MCUR1: variants seen among roughly 807,000 people sequenced by gnomAD.
MCUR1 encodes the protein MCU regulator 1.
A neutral mutation model predicts 42.0 loss-of-function variants in MCUR1; 37 were observed. The ratio of observed to expected loss-of-function variants is 0.88; its 90% CI spans 0.68 to 1.16. The LOEUF (loss-of-function observed/expected upper bound fraction) is 1.16. Among genes scored for constraint, MCUR1 ranks in the 50% most tolerant of loss-of-function variants. MCUR1 has a pLI of 0.00. For missense variants in MCUR1, 469 were observed against 468.4 expected (o/e 1.00, Z -0.01); for synonymous variants, 229 against 196.2 (o/e 1.17, Z -1.40).
rs1346753129 is a variant in MCUR1 at position 13,814,177 on chromosome 6, G to A, written c.253C>T (p.Pro85Ser). The A allele has an allele frequency of 2.2e-6, 3 of 1,367,768 alleles. No homozygotes were observed. The highest frequency in any genetic ancestry group is 3.9e-5 in the Admixed American group (1 of 25,702). 84.7% of individuals were successfully genotyped at this position (1,367,768 alleles called of 1,614,324 possible). ...TCCCAGTCCCCGAGCTGCCGGCGCG[G>A]GGCTGCGGCGGCCAAGCGCGGGGAG... ...VPSPRLAAAA[P>S]RRQLGDWERS... The change falls in exon 1 of 9, where the codon CCG becomes TCG. Residue 85 changes from proline to serine, a missense_variant. Transcript: ENST00000379170.
Position 13,814,218 on chromosome 6 carries a change from A to C in MCUR1, c.212T>G (p.Leu71Arg), listed in dbSNP as rs970993547. 1 of 1,457,108 alleles carries C rather than the reference A, an allele frequency of 6.9e-7. No homozygotes were observed. 90.3% of individuals were successfully genotyped at this position (1,457,108 alleles called of 1,614,324 possible). Residue 71 changes from leucine to arginine, a missense_variant, in exon 1 of 9, where the codon CTC becomes CGC. By Grantham distance (102) the Leu-to-Arg change is moderately radical. Transcript: ENST00000379170. ...GCGCGGGGAGGGCACTAGCAGGAGG[A>C]GGAGCAGCGGTGAGGCACGTGACAC... is the stretch of plus-strand genomic sequence containing the variant. ...GGVSRASPLL[L>R]LLLVPSPRLA...
chr6:13,803,671 CTTTAA>C (rs1760042336), intron 2 of MCUR1: 1 of 828,968 alleles, frequency 1.2e-6, no homozygotes, highest in Non-Finnish European at 1.4e-6. Context: ...CGTCAAAATT[CTTTAA>C]TTTTTCAACA....
Position 13,790,634 on chromosome 6 carries a change from G to T in MCUR1, c.*175C>A. On this transcript the variant is annotated 3_prime_UTR_variant, in exon 9 of 9. Coordinates refer to ENST00000379170, the MANE Select transcript of MCUR1 (RefSeq NM_001031713.4). ...GCCCGCCTAATGTTTTAATTTTTTA[G>T]TAGAGACGGGGTTTCACCGTGTTGG... The T allele has an allele frequency of 2.4e-6, 1 of 417,528 alleles. No individual in the cohort carries two copies. The highest frequency in any genetic ancestry group is 2.1e-5 in the African/African-American group (1 of 47,058). The allele number at this position is 417,528 out of a possible 1,614,324, so 25.9% of individuals were successfully genotyped here.
intron 6 of MCUR1, among the ~76,000 whole-genome samples, chr6:13,796,921 A>C (rs1184367860): frequency 6.6e-6 from 1 of 152,232 alleles, no homozygotes; most frequent in Non-Finnish European, 1.5e-5. Context: ...AGATAAAGGT[A>C]ACCAAAAGAG....
chr6:13,793,792 T>TA lies in MCUR1; in HGVS notation c.909+101dup, dbSNP rs1484929403. 1.2e-5 allele frequency: 12 copies of TA among 1,007,238 alleles called. No homozygotes were observed. In the Middle Eastern group the frequency reaches 8.4e-4, roughly 71 times the overall value. 62.4% of individuals were successfully genotyped at this position (1,007,238 alleles called of 1,614,324 possible). On this transcript the variant is annotated intron_variant, in intron 7 of 8. Transcript: ENST00000379170. ...ACAATGTAAAAAATTCCCATGACAG[T>TA]AAACCTGCATGTAACTTCCTATTAT...
intron 7 of MCUR1, among the ~76,000 whole-genome samples, chr6:13,792,872 C>T (rs1040622799): frequency 6.6e-6 from 1 of 152,102 alleles, no homozygotes; most frequent in Non-Finnish European, 1.5e-5. Context: ...AGGTTCCATA[C>T]AGTATGGAAA....
At position 13,788,714 on chromosome 6, in the gene MCUR1, G is replaced by T. The variant is rs984798153; in HGVS notation, c.*2095C>A. 1.3e-5 allele frequency: 2 copies of T among 151,966 alleles called. No homozygotes were observed. The highest frequency in any genetic ancestry group is 4.8e-5 in the African/African-American group (2 of 41,344). 9.4% of individuals were successfully genotyped at this position (151,966 alleles called of 1,614,324 possible). On this transcript the variant is annotated 3_prime_UTR_variant, in exon 9 of 9. Coordinates refer to ENST00000379170, the MANE Select transcript of MCUR1 (RefSeq NM_001031713.4). ...TTCTGGGGACTTCTCTCTGAAAGGGGGATGATATATTGATAAAATATTTTA... is the reference window on the plus strand; with the variant it reads ...TTCTGGGGACTTCTCTCTGAAAGGGTGATGATATATTGATAAAATATTTTA...
chr6:13,814,465 G>T lies in MCUR1; in HGVS notation c.-36C>A. The T allele has an allele frequency of 6.9e-7, 1 of 1,452,772 alleles. No individual in the cohort carries two copies. Among genetic ancestry groups the T allele is most frequent in the East Asian group, 2.9e-5 (1 of 34,200 alleles). 90.0% of individuals were successfully genotyped at this position (1,452,772 alleles called of 1,614,324 possible). ...TTCACTGGCCCGGGCGCGCGCTCAT[G>T]CCTCTCGCTTTTGGCGCCGGCCACG... On this transcript the variant is annotated 5_prime_UTR_variant, in exon 1 of 9. Coordinates refer to ENST00000379170, the MANE Select transcript of MCUR1 (RefSeq NM_001031713.4).
rs550013603 is a variant in MCUR1 at position 13,788,341 on chromosome 6, T to G, written c.*2468A>C. On this transcript the variant is annotated 3_prime_UTR_variant, in exon 9 of 9. Transcript: ENST00000379170. ...GAGCCCTCCTCTCTCCAGATATGCA[T>G]GCAATCCACACCATCAAAAGAAGAG... is the stretch of plus-strand genomic sequence containing the variant. 24 of 152,382 alleles carry G rather than the reference T, an allele frequency of 1.6e-4. No individual in the cohort carries two copies. Among genetic ancestry groups the G allele is most frequent in the African/African-American group, 5.8e-4 (24 of 41,554 alleles). The allele number at this position is 152,382 out of a possible 1,614,324, so 9.4% of individuals were successfully genotyped here. A position where few individuals can be genotyped will look rare whatever the true frequency, so the allele number is the denominator to read the frequency against.
In MCUR1 at chr6:13,802,287, T is replaced by C; in HGVS notation, c.595A>G (p.Asn199Asp). Residue 199 changes from asparagine to aspartate, a missense_variant, in exon 3 of 9, where the codon AAC (asparagine) becomes GAC (aspartate). By Grantham distance (23) the Asn-to-Asp change is conservative (BLOSUM62 1). Transcript: ENST00000379170. ...VSALVKILEA[N>D]MDIVYKDMVT... ...ATATCTTTGTAGACGATGTCCATGT[T>C]GGCCTCCAGGATCTTGACCAATGCA... 1.2e-6 allele frequency: 2 copies of C among 1,614,038 alleles called. No individual in the cohort carries two copies. The highest frequency in any genetic ancestry group is 1.7e-6 in the Non-Finnish European group (2 of 1,179,926).
At chr6:13,805,490 G>T (rs967244449) in intron 2 of MCUR1, among the ~76,000 whole-genome samples, 1 of 152,142 alleles carries the variant, frequency 6.6e-6, no homozygotes, top group South Asian at 2.1e-4. Flanking sequence ...TTTGGAATTC[G>T]TATTACACTC....
intron 5 of MCUR1, among the ~76,000 whole-genome samples, chr6:13,799,808 C>T (rs1759948122): frequency 6.7e-6 from 1 of 149,862 alleles, no homozygotes; most frequent in East Asian, 2.0e-4. Flanking sequence ...TGACTTAATT[C>T]CTCCTAGAAC....
chr6:13,806,837 G>A, intron 2 of MCUR1, 88 bp downstream of exon 2: 2 of 1,357,528 alleles, frequency 1.5e-6, no homozygotes, highest in African/African-American at 1.5e-5. Flanking sequence ...AGTCAAAGAG[G>A]AACATGAGAA....
intron 6 of MCUR1, among the ~76,000 whole-genome samples, chr6:13,797,434 C>T (rs371550480): frequency 5.9e-5 from 9 of 152,282 alleles, no homozygotes; most frequent in Non-Finnish European, 1.0e-4. Flanking sequence ...TTAGGCCGGG[C>T]GCGGTGGCTC....
chr6:13,801,504 G>T, intron 3 of MCUR1, 115 bp from the exon 4 acceptor site: 1 of 660,744 alleles, frequency 1.5e-6, no homozygotes, highest in South Asian at 1.9e-5. Flanking sequence ...CACAAAAAGA[G>T]GTTCAGTAGG....
chr6:13,813,974 C>A lies in MCUR1; in HGVS notation c.415+41G>T. 4 of 1,228,024 alleles carry A rather than the reference C, an allele frequency of 3.3e-6. No individual in the cohort carries two copies. In the African/African-American group the frequency reaches 4.7e-5, roughly 14 times the overall value. The allele number at this position is 1,228,024 out of a possible 1,614,324, so 76.1% of individuals were successfully genotyped here. A position where few individuals can be genotyped will look rare whatever the true frequency, so the allele number is the denominator to read the frequency against. Reference sequence around the variant, plus strand: ...GAGATCCCCGCCCCGCCGTCCAACCCCGCGAGACGAGCCCCCTCTCCTCTC... The same window carrying A: ...GAGATCCCCGCCCCGCCGTCCAACCACGCGAGACGAGCCCCCTCTCCTCTC... On this transcript the variant is annotated intron_variant, in intron 1 of 8. Coordinates refer to ENST00000379170, the MANE Select transcript of MCUR1 (RefSeq NM_001031713.4).
At chr6:13,813,847 A>G (rs993544141) in intron 1 of MCUR1, among the ~76,000 whole-genome samples, 168 bp downstream of exon 1, 1 of 152,156 alleles carries the variant, frequency 6.6e-6, no homozygotes, top group Non-Finnish European at 1.5e-5. Context: ...GCGGCCGAGC[A>G]GGGCGGGCCC....
chr6:13,788,405 T>C lies in MCUR1; in HGVS notation c.*2404A>G, dbSNP rs1056528801. On this transcript the variant is annotated 3_prime_UTR_variant, in exon 9 of 9. Coordinates refer to ENST00000379170, the MANE Select transcript of MCUR1 (RefSeq NM_001031713.4). ...AGGCCAAGAAGAGGCTATGCTGTAC[T>C]GCAAAGAACTCTATAGCAAAATCGA... 28 of 152,242 alleles carry C rather than the reference T, an allele frequency of 1.8e-4. No individual in the cohort carries two copies. Among genetic ancestry groups the C allele is most frequent in the Admixed American group, 1.6e-3 (24 of 15,274 alleles). The allele number at this position is 152,242 out of a possible 1,614,324, so 9.4% of individuals were successfully genotyped here. A position where few individuals can be genotyped will look rare whatever the true frequency, so the allele number is the denominator to read the frequency against.
At chr6:13,803,068 T>G (rs4712109) in intron 2 of MCUR1, among the ~76,000 whole-genome samples, 147,223 of 151,066 alleles carry the variant, frequency 0.97, 71,720 homozygotes, top group East Asian at 1. Context: ...ACTTGGTATT[T>G]TTTTTTTTTT....
Sources: allele counts gnomAD v4.1 joint callset (sites outside exome capture counted in the v4.1 genomes callset), GRCh38; gene constraint gnomAD v4.1.1; transcripts MANE v1.5; gene names NCBI Gene and HGNC (gene_info 2026-07-23, HGNC 2026-07-21).